SLC35F4: variants seen among roughly 807,000 people sequenced by gnomAD.
SLC35F4 encodes solute carrier family 35 member F4, also known as chromosome 14 open reading frame 36.
SLC35F4 carries 24 observed loss-of-function variants against 44.2 expected under a neutral mutation model. That is an observed-to-expected ratio of 0.54 (90% CI 0.39 to 0.76). The LOEUF (loss-of-function observed/expected upper bound fraction) is 0.76. Ranked by LOEUF, SLC35F4 falls within the 30% of genes least tolerant of loss-of-function variation. The probability of loss-of-function intolerance (pLI) is 0.00; values close to 1 mark genes in which losing one functional copy is unlikely to be tolerated. For synonymous variants in SLC35F4, 238 were observed against 223.6 expected, an observed-to-expected ratio of 1.06 and a Z score of -0.57; for missense variants, 562 against 586.1, an observed-to-expected ratio of 0.96 and a Z score of 0.42.
At chr14:57,707,790 G>A (rs1289956572) in intron 1 of SLC35F4, among the ~76,000 whole-genome samples, 3 of 152,166 alleles carry the variant, frequency 2.0e-5, no homozygotes, top group Non-Finnish European at 4.4e-5. Flanking sequence ...AACTGCCTTT[G>A]CAAAATTATA....
chr14:57,825,905 A>T (rs551881880), intron 1 of SLC35F4, among the ~76,000 whole-genome samples: 1 of 152,320 alleles, frequency 6.6e-6, no homozygotes, highest in East Asian at 1.9e-4. Flanking sequence ...TCATGAGCAG[A>T]AAGAATCAAT....
chr14:57,771,613 A>C (rs1460732886), intron 1 of SLC35F4, among the ~76,000 whole-genome samples: 2 of 152,134 alleles, frequency 1.3e-5, no homozygotes, highest in Non-Finnish European at 2.9e-5. Context: ...TATTTATTTG[A>C]GACAGTGTCT....
chr14:57,656,372 TATATACACACAC>T (rs765150650), intron 1 of SLC35F4, among the ~76,000 whole-genome samples: 49 of 86,186 alleles, frequency 5.7e-4, no homozygotes, highest in African/African-American at 1.7e-3. Context: ...TATATATATA[TATATACACACAC>T]ACACACACAC....
intron 1 of SLC35F4, among the ~76,000 whole-genome samples, chr14:57,598,846 G>A (rs1057474164): frequency 6.6e-6 from 1 of 151,904 alleles, no homozygotes; most frequent in African/African-American, 2.4e-5. Flanking sequence ...TAGAAATCAT[G>A]AATACCCAGA....
intron 1 of SLC35F4, among the ~76,000 whole-genome samples, chr14:57,839,736 C>A (rs1383691309): frequency 6.6e-6 from 1 of 152,006 alleles, no homozygotes; most frequent in Non-Finnish European, 1.5e-5. Context: ...ACACCCTGCC[C>A]ATGTAACCCT....
chr14:57,608,639 C>A (rs2071303448), intron 1 of SLC35F4, among the ~76,000 whole-genome samples: 1 of 151,890 alleles, frequency 6.6e-6, no homozygotes, highest in Admixed American at 6.6e-5. Flanking sequence ...TTACAGCAGC[C>A]CTAGCAAACT....
At chr14:57,693,607 TA>T (rs2140339886) in intron 1 of SLC35F4, among the ~76,000 whole-genome samples, 1 of 152,314 alleles carries the variant, frequency 6.6e-6, no homozygotes, top group South Asian at 2.1e-4. Context: ...CTATAATCTA[TA>T]GAAACAATGC....
chr14:57,834,650 G>A (rs1463863253), intron 1 of SLC35F4, among the ~76,000 whole-genome samples: 1 of 152,214 alleles, frequency 6.6e-6, no homozygotes, highest in Admixed American at 6.5e-5. Flanking sequence ...GGAAGTCCCA[G>A]TATGATGAAA....
chr14:57,595,014 A>T (rs948158251), intron 1 of SLC35F4, among the ~76,000 whole-genome samples: 7 of 152,220 alleles, frequency 4.6e-5, no homozygotes, highest in African/African-American at 1.7e-4. Context: ...TTAAGAGATT[A>T]ACACTGGTAC....
rs1456801255 is a variant in SLC35F4, at chr14:57,569,861, G to C, written c.1053C>G (p.Thr351=). 1.2e-6 allele frequency: 2 copies of C among 1,611,714 alleles called. No individual in the cohort carries two copies. The highest frequency in any genetic ancestry group is 1.7e-6 in the Non-Finnish European group (2 of 1,178,984). ...CAAAAGAGGACCAGTGCTCCACCTT[G>C]GTGAAATACAAGATGACTGGGGTGA... ...ISFTPVILYF[T]KVEHWSSFAA... Residue 351 remains threonine (T), a synonymous_variant, in exon 6 of 8, where the codon ACC becomes ACG. Coordinates refer to ENST00000556826, the MANE Select transcript of SLC35F4 (RefSeq NM_001306087.2).
intron 1 of SLC35F4, among the ~76,000 whole-genome samples, chr14:57,916,320 C>T (rs895589759): frequency 6.6e-6 from 1 of 152,208 alleles, no homozygotes; most frequent in Non-Finnish European, 1.5e-5. Flanking sequence ...CTCTCAACAC[C>T]GTTATGATGG....
chr14:57,906,617 T>A (rs569804786), intron 1 of SLC35F4, among the ~76,000 whole-genome samples: 1 of 152,342 alleles, frequency 6.6e-6, no homozygotes, highest in East Asian at 1.9e-4. Flanking sequence ...TTAAAAAGTA[T>A]GCATATTCAA....
At chr14:57,885,556 A>G (rs1187783808) in intron 1 of SLC35F4, among the ~76,000 whole-genome samples, 1 of 152,164 alleles carries the variant, frequency 6.6e-6, no homozygotes, top group Non-Finnish European at 1.5e-5. Flanking sequence ...TACACTGTCT[A>G]ATACTGTGAC....
chr14:57,948,716 G>A (rs1890080752), intron 1 of SLC35F4, among the ~76,000 whole-genome samples: 1 of 151,880 alleles, frequency 6.6e-6, no homozygotes, highest in Admixed American at 6.6e-5. Flanking sequence ...GTATCCGAGA[G>A]GTTTTGATAA....
At position 57,717,287 on chromosome 14, in the gene SLC35F4, C is replaced by T. The variant is rs775388647; in HGVS notation, c.104-123163G>A. On this transcript the variant is annotated intron_variant, in intron 1 of 7. Coordinates refer to ENST00000556826, the MANE Select transcript of SLC35F4 (RefSeq NM_001306087.2). ...CTGTTTTTAGTTTTTTGAGGATCCT[C>T]ATACTGTTTTCCATAATGGCTGCAC... 3.3e-5 allele frequency among the ~76,000 whole-genome samples: 5 copies of T among 152,120 alleles called. No homozygotes were observed. The East Asian group carries it at 5.8e-4, about 18-fold the overall frequency.
chr14:57,896,017 A>G (rs530251468), intron 1 of SLC35F4, among the ~76,000 whole-genome samples: 1 of 152,234 alleles, frequency 6.6e-6, no homozygotes, highest in South Asian at 2.1e-4. Context: ...AATGTATGTC[A>G]AATTAAAATT....
At chr14:57,679,513 A>G (rs994107743) in intron 1 of SLC35F4, among the ~76,000 whole-genome samples, 1 of 152,080 alleles carries the variant, frequency 6.6e-6, no homozygotes, top group Non-Finnish European at 1.5e-5. Flanking sequence ...AAGACAAGAA[A>G]TAACTAAGAT....
chr14:57,836,583 G>A (rs943040061), intron 1 of SLC35F4, among the ~76,000 whole-genome samples: 4 of 152,130 alleles, frequency 2.6e-5, no homozygotes, highest in African/African-American at 7.2e-5. Flanking sequence ...GAGCCACTGC[G>A]CCGGCCTGAA....
intron 1 of SLC35F4, 47 bp downstream of exon 1, chr14:57,865,676 C>T (rs1053893517): frequency 2.7e-6 from 4 of 1,466,548 alleles, no homozygotes; most frequent in South Asian, 1.3e-5. Flanking sequence ...CCCTGCGCGC[C>T]CACCTCCCTT....
Sources: gnomAD v4.1 joint callset for allele counts (sites outside exome capture counted in the v4.1 genomes callset) on GRCh38, gnomAD v4.1.1 for gene constraint, MANE v1.5 for transcripts, NCBI Gene and HGNC (gene_info 2026-07-23, HGNC 2026-07-21) for gene names.